Variants in LINGO2 observed in about 807,000 individuals in gnomAD.
LINGO2 encodes the protein leucine-rich repeat and immunoglobulin-like domain-containing nogo receptor-interacting protein 2.
Under a neutral mutation model 30.6 loss-of-function variants are expected in LINGO2, and 14 were observed. The observed-to-expected ratio is 0.46, with a 90% CI of 0.30 to 0.72. The LOEUF (loss-of-function observed/expected upper bound fraction) is 0.72, where lower values mean the gene tolerates loss of function less well. Ranked by LOEUF, LINGO2 falls within the 30% of genes least tolerant of loss-of-function variation. The pLI is 0.07. For synonymous variants in LINGO2, 317 were observed against 288.5 expected (o/e 1.10, Z -1.00); for missense variants, 729 against 751.7 (o/e 0.97, Z 0.35).
chr9:28,133,587 T>G (rs1018066574), intron 4 of LINGO2, among the ~76,000 whole-genome samples: 2 of 152,176 alleles, frequency 1.3e-5, no homozygotes, highest in African/African-American at 4.8e-5. Context: ...AGTATTATCT[T>G]AAATCACTGA....
At chr9:28,826,176 A>T in the LINGO2 span, among the ~76,000 whole-genome samples, 1 of 152,192 alleles carries the variant, frequency 6.6e-6, no homozygotes, top group Non-Finnish European at 1.5e-5. Context: ...ATTCATGGCC[A>T]AACCAGTGTA....
chr9:28,136,823 G>T (rs1827530772), intron 4 of LINGO2, among the ~76,000 whole-genome samples: 1 of 152,136 alleles, frequency 6.6e-6, no homozygotes, highest in African/African-American at 2.4e-5. Flanking sequence ...TTCTGGATGA[G>T]ATTAACATTT....
At chr9:28,970,614 C>T in the LINGO2 span, among the ~76,000 whole-genome samples, 2 of 151,990 alleles carry the variant, frequency 1.3e-5, no homozygotes, top group African/African-American at 2.4e-5. Context: ...AACTCTGGGC[C>T]GTGTTGTTAG....
At chr9:28,764,755 T>C in the LINGO2 span, among the ~76,000 whole-genome samples, 2 of 151,858 alleles carry the variant, frequency 1.3e-5, no homozygotes, top group African/African-American at 2.4e-5. Context: ...GAAAACCCCA[T>C]AGATCCTGCC....
At chr9:29,113,568 C>A in the LINGO2 span, among the ~76,000 whole-genome samples, 12 of 152,250 alleles carry the variant, frequency 7.9e-5, no homozygotes, top group African/African-American at 2.6e-4. Flanking sequence ...TTCCGCTTAC[C>A]CAATTCTGAC....
chr9:28,938,227 T>C, the LINGO2 span, among the ~76,000 whole-genome samples: 1 of 152,204 alleles, frequency 6.6e-6, no homozygotes, highest in African/African-American at 2.4e-5. Flanking sequence ...TCCTGACCTC[T>C]GCAAAGATGG....
At chr9:29,162,912 T>C in the LINGO2 span, among the ~76,000 whole-genome samples, 1 of 152,154 alleles carries the variant, frequency 6.6e-6, no homozygotes, top group Admixed American at 6.5e-5. Context: ...GGTTTCATAA[T>C]TGCCTTCTTA....
At chr9:28,347,193 A>G (rs891223874) in intron 3 of LINGO2, among the ~76,000 whole-genome samples, 1 of 152,248 alleles carries the variant, frequency 6.6e-6, no homozygotes, top group African/African-American at 2.4e-5. Context: ...AAAGGATTTT[A>G]CAAAATATAA....
chr9:28,557,265 T>A (rs991086411), intron 1 of LINGO2, among the ~76,000 whole-genome samples: 3 of 151,686 alleles, frequency 2.0e-5, no homozygotes, highest in Non-Finnish European at 4.4e-5. Flanking sequence ...AGGGCTAATA[T>A]CCAGAATCTA....
rs1315052138 is a variant in LINGO2 at position 28,024,146 on chromosome 9, G to A, written c.-86-11741C>T. ...CTCTTTACCTGTGGGAACTGCAACTGGAAATGGCCCTTTCTGAGAAATAAC... is the reference window on the plus strand; with the variant it reads ...CTCTTTACCTGTGGGAACTGCAACTAGAAATGGCCCTTTCTGAGAAATAAC... On this transcript the variant is annotated intron_variant, in intron 4 of 5. Coordinates refer to ENST00000379992, the Ensembl canonical transcript of LINGO2. Among the ~76,000 whole-genome samples the A allele has an allele frequency of 2.0e-5, 3 of 152,156 alleles. No individual in the cohort carries two copies. The East Asian group carries it at 5.8e-4, about 29-fold the overall frequency.
At chr9:28,546,648 G>C (rs948458815) in intron 1 of LINGO2, among the ~76,000 whole-genome samples, 8 of 152,188 alleles carry the variant, frequency 5.3e-5, no homozygotes, top group African/African-American at 1.4e-4. Flanking sequence ...TTTATGGCTG[G>C]CTTTTGGGGA....
intron 1 of LINGO2, among the ~76,000 whole-genome samples, chr9:28,512,384 A>G (rs1392108863): frequency 6.6e-6 from 1 of 151,656 alleles, no homozygotes; most frequent in Non-Finnish European, 1.5e-5. Flanking sequence ...ACAATGGGGT[A>G]CTGCCAAAGG....
At chr9:28,648,829 G>T (rs1401118060) in intron 1 of LINGO2, among the ~76,000 whole-genome samples, 2 of 152,012 alleles carry the variant, frequency 1.3e-5, no homozygotes, top group African/African-American at 2.4e-5. Context: ...GTAGTTACAG[G>T]CAAAGGATCT....
the LINGO2 span, among the ~76,000 whole-genome samples, chr9:29,196,935 A>C: frequency 6.6e-6 from 1 of 151,996 alleles, no homozygotes; most frequent in Non-Finnish European, 1.5e-5. Context: ...TCTTCTTCTC[A>C]CTACCAAGAT....
At chr9:28,351,667 T>C (rs1819898865) in intron 3 of LINGO2, among the ~76,000 whole-genome samples, 1 of 150,020 alleles carries the variant, frequency 6.7e-6, no homozygotes. Context: ...AGCATCATTC[T>C]GATACCAAAG....
intron 4 of LINGO2, among the ~76,000 whole-genome samples, chr9:28,118,878 T>C (rs1034978783): frequency 4.6e-5 from 7 of 151,936 alleles, no homozygotes; most frequent in Non-Finnish European, 1.0e-4. Context: ...AACAAAGAAG[T>C]CTGTGGGTTT....
intron 1 of LINGO2, among the ~76,000 whole-genome samples, chr9:28,599,748 T>C (rs1455413771): frequency 6.6e-6 from 1 of 152,174 alleles, no homozygotes; most frequent in Non-Finnish European, 1.5e-5. Context: ...TTTAATTCAC[T>C]ATAAAAATGT....
chr9:28,200,847 G>T (rs1265670206), intron 4 of LINGO2, among the ~76,000 whole-genome samples: 1 of 152,114 alleles, frequency 6.6e-6, no homozygotes, highest in Non-Finnish European at 1.5e-5. Context: ...AAATGACTTT[G>T]GTTAAAAACA....
intron 1 of LINGO2, among the ~76,000 whole-genome samples, chr9:28,498,149 A>G (rs561003071): frequency 2.6e-5 from 4 of 151,960 alleles, no homozygotes; most frequent in Non-Finnish European, 4.4e-5. Context: ...CAGATCTCAA[A>G]CTCCGTGCTG....
Sources: allele counts gnomAD v4.1 joint callset (sites outside exome capture counted in the v4.1 genomes callset), GRCh38; gene constraint gnomAD v4.1.1; transcripts MANE v1.5; gene names NCBI Gene and HGNC (gene_info 2026-07-23, HGNC 2026-07-21).